EPHA7: variants seen among roughly 807,000 people sequenced by gnomAD.
The protein encoded by EPHA7 is EPH receptor A7.
In EPHA7, 25 loss-of-function variants were observed where a neutral mutation model predicts 112.6. The ratio of observed to expected loss-of-function variants is 0.22; its 90% CI spans 0.16 to 0.31. The LOEUF (loss-of-function observed/expected upper bound fraction) is 0.31. Among genes scored for constraint, EPHA7 ranks in the 10% least tolerant of loss-of-function variants. The pLI is 1.00. For synonymous variants in EPHA7, 437 were observed against 406.5 expected (o/e 1.07, Z -0.90); for missense variants, 962 against 1,212.6 (o/e 0.79, Z 3.07).
chr6:93,332,876 T>C (rs1403792237), intron 5 of EPHA7, among the ~76,000 whole-genome samples: 1 of 151,734 alleles, frequency 6.6e-6, no homozygotes, highest in Admixed American at 6.6e-5. Context: ...TTATGTTAAA[T>C]TTATATCGTT....
At chr6:93,406,026 C>T (rs896964776) in intron 3 of EPHA7, among the ~76,000 whole-genome samples, 4 of 149,912 alleles carry the variant, frequency 2.7e-5, no homozygotes, top group African/African-American at 9.7e-5. Context: ...TTAAATTATA[C>T]ATATGTTCAT....
At chr6:93,365,338 C>T (rs759663376) in intron 3 of EPHA7, among the ~76,000 whole-genome samples, 3 of 152,154 alleles carry the variant, frequency 2.0e-5, no homozygotes, top group Non-Finnish European at 4.4e-5. Flanking sequence ...GTTAAGAATT[C>T]TAATGAATGC....
intron 14 of EPHA7, among the ~76,000 whole-genome samples, chr6:93,248,513 A>G (rs1193557297): frequency 6.6e-6 from 1 of 152,070 alleles, no homozygotes; most frequent in East Asian, 1.9e-4. Context: ...TAAACTTTTC[A>G]TCTGAATTGT....
chr6:93,258,352 G>A, intron 10 of EPHA7, 68 bp from the exon 11 acceptor site: 1 of 1,361,162 alleles, frequency 7.3e-7, no homozygotes, highest in Non-Finnish European at 1.0e-6. Flanking sequence ...AAGAGTAAAT[G>A]CGTTGAATTA....
At chr6:93,311,112 C>CTGTTTTTTTTTTTTTTTTTT (rs1434719790) in intron 5 of EPHA7, among the ~76,000 whole-genome samples, 1 of 71,030 alleles carries the variant, frequency 1.4e-5, no homozygotes, top group Non-Finnish European at 2.7e-5. Flanking sequence ...TCATGCCCAG[C>CTGTTTTTTTTTTTTTTTTTT]TATTTTTTTT....
chr6:93,393,908 G>T (rs2052636), intron 3 of EPHA7, among the ~76,000 whole-genome samples: 2 of 151,602 alleles, frequency 1.3e-5, no homozygotes, highest in African/African-American at 4.8e-5. Context: ...AAAATGCACA[G>T]CAAATTGTAT....
intron 1 of EPHA7, among the ~76,000 whole-genome samples, chr6:93,417,952 G>T (rs530836871): frequency 2.6e-5 from 4 of 151,990 alleles, no homozygotes; most frequent in Non-Finnish European, 4.4e-5. Context: ...TGCACGATGA[G>T]AATAAAGAAA....
intron 3 of EPHA7, among the ~76,000 whole-genome samples, chr6:93,385,695 G>A (rs962075414): frequency 6.6e-6 from 1 of 151,990 alleles, no homozygotes; most frequent in Non-Finnish European, 1.5e-5. Flanking sequence ...GATATACATA[G>A]AGATGGTGAT....
intron 5 of EPHA7, among the ~76,000 whole-genome samples, chr6:93,290,754 C>T (rs1396431781): frequency 5.3e-5 from 8 of 152,116 alleles, no homozygotes; most frequent in Non-Finnish European, 1.0e-4. Context: ...TGAGTACCTT[C>T]CATTACAGGA....
chr6:93,303,855 T>C (rs1773117087), intron 5 of EPHA7, among the ~76,000 whole-genome samples: 1 of 152,130 alleles, frequency 6.6e-6, no homozygotes, highest in South Asian at 2.1e-4. Flanking sequence ...AAGCCACCTT[T>C]CTCCATGAAT....
intron 3 of EPHA7, among the ~76,000 whole-genome samples, chr6:93,360,373 A>T (rs1776199651): frequency 2.0e-5 from 3 of 152,134 alleles, no homozygotes; most frequent in Admixed American, 1.3e-4. Context: ...TTTACTCACA[A>T]CTCGCTGTCT....
intron 14 of EPHA7, among the ~76,000 whole-genome samples, chr6:93,247,817 A>C (rs1483190788): frequency 3.3e-5 from 5 of 152,188 alleles, no homozygotes; most frequent in African/African-American, 1.2e-4. Flanking sequence ...AGCCTAAAAA[A>C]CTGTTTATAT....
chr6:93,381,440 T>C (rs1777329717), intron 3 of EPHA7, among the ~76,000 whole-genome samples: 1 of 152,170 alleles, frequency 6.6e-6, no homozygotes, highest in Non-Finnish European at 1.5e-5. Flanking sequence ...AGGTTTATAT[T>C]TTAGAAAATC....
chr6:93,256,149 T>A (rs937994833), intron 12 of EPHA7, 112 bp from the exon 13 acceptor site: 1 of 862,190 alleles, frequency 1.2e-6, no homozygotes, highest in African/African-American at 1.7e-5. Flanking sequence ...ATAGGAATTG[T>A]TAATTTTTTA....
chr6:93,339,848 CAA>C (rs1775057328), intron 5 of EPHA7, among the ~76,000 whole-genome samples: 1 of 151,586 alleles, frequency 6.6e-6, no homozygotes, highest in East Asian at 1.9e-4. Context: ...TTCTGGTTAA[CAA>C]ATCATTCCTA....
At chr6:93,333,342 G>A (rs911256347) in intron 5 of EPHA7, among the ~76,000 whole-genome samples, 6 of 151,718 alleles carry the variant, frequency 4.0e-5, no homozygotes, top group Non-Finnish European at 7.4e-5. Flanking sequence ...GTGCTGTGAC[G>A]AACATACGCA....
rs145688754 is a variant in EPHA7, at chr6:93,255,092, C to T, written c.2383-296G>A. 4.5e-3 allele frequency among the ~76,000 whole-genome samples: 679 copies of T among 152,104 alleles called. 2 individuals are homozygous for T. The highest frequency in any genetic ancestry group is 0.015 in the African/African-American group (618 of 41,472). On this transcript the variant is annotated intron_variant, in intron 13 of 16. Transcript: ENST00000369303. ...GGTGCTGTGGCTCACATCTGTAATCCCAGCACTTTGGGAGGCCGAAGTGGG... is the reference window on the plus strand; with the variant it reads ...GGTGCTGTGGCTCACATCTGTAATCTCAGCACTTTGGGAGGCCGAAGTGGG...
intron 3 of EPHA7, among the ~76,000 whole-genome samples, chr6:93,407,905 T>C (rs1168144056): frequency 1.3e-5 from 2 of 151,998 alleles, no homozygotes; most frequent in African/African-American, 2.4e-5. Flanking sequence ...ATGATAAATA[T>C]ATCTATTTAC....
At chr6:93,247,908 G>A (rs1770030027) in intron 14 of EPHA7, among the ~76,000 whole-genome samples, 1 of 152,044 alleles carries the variant, frequency 6.6e-6, no homozygotes, top group Non-Finnish European at 1.5e-5. Context: ...TCAGACTTGG[G>A]TTTTTTATTT....
Sources: allele counts gnomAD v4.1 joint callset (sites outside exome capture counted in the v4.1 genomes callset), GRCh38; gene constraint gnomAD v4.1.1; transcripts MANE v1.5; gene names NCBI Gene and HGNC (gene_info 2026-07-23, HGNC 2026-07-21).